GRIN2B: variants seen among roughly 807,000 people sequenced by gnomAD.
The protein encoded by GRIN2B is glutamate receptor ionotropic, NMDA 2B.
GRIN2B carries 5 observed loss-of-function variants against 114.5 expected under a neutral mutation model. That is an observed-to-expected ratio of 0.04 (90% CI 0.02 to 0.09). GRIN2B has a LOEUF of 0.09. GRIN2B is among the 10% of genes least tolerant of loss of function. GRIN2B has a pLI of 1.00. For synonymous variants in GRIN2B, 787 were observed against 745.1 expected, an observed-to-expected ratio of 1.06 and a Z score of -0.92; for missense variants, 1,108 against 1,943.5, an observed-to-expected ratio of 0.57 and a Z score of 8.08.
rs1293229446 is a variant in GRIN2B at position 13,616,592 on chromosome 12, C to T, written c.1191G>A (p.Glu397=). 5.6e-6 allele frequency: 9 copies of T among 1,614,040 alleles called. No homozygotes were observed. The highest frequency in any genetic ancestry group is 7.6e-6 in the Non-Finnish European group (9 of 1,179,892). The change falls in exon 6 of 14, where the codon GAG becomes GAA. Residue 397 remains glutamate, a synonymous_variant. Coordinates refer to ENST00000609686, the MANE Select transcript of GRIN2B (RefSeq NM_000834.5). ...KYYVWPRMCP[E]TEEQEDDHLS... is the part of the protein sequence containing the mutation. ...GATGGTCATCCTCCTGCTCTTCAGT[C>T]TCTGGACACATTCGGGGCCACACAT...
intron 3 of GRIN2B, among the ~76,000 whole-genome samples, chr12:13,772,476 C>T (rs1203325467): frequency 1.3e-5 from 2 of 152,180 alleles, no homozygotes; most frequent in African/African-American, 4.8e-5. Context: ...AGTCGACAAG[C>T]TCCACCCACT....
At chr12:13,918,457 A>G (rs548807763) in intron 2 of GRIN2B, among the ~76,000 whole-genome samples, 7 of 152,334 alleles carry the variant, frequency 4.6e-5, no homozygotes, top group Admixed American at 2.0e-4. Context: ...TCTTAGTTCA[A>G]TTGAATTTGA....
At position 13,547,967 on chromosome 12, in the gene GRIN2B, A is replaced by G. The variant is rs1274912665; in HGVS notation, c.*14816T>C. On this transcript the variant is annotated 3_prime_UTR_variant, in exon 14 of 14. Transcript: ENST00000609686. The stretch of plus-strand genomic sequence containing the variant: ...TATGTATGTATGTGTGTGTATATAT[A>G]TATATATATATATATTTTTTTTTTT... The G allele has an allele frequency of 6.5e-5, 3 of 45,888 alleles. 1 individual carries two copies. Among genetic ancestry groups the G allele is most frequent in the South Asian group, 1.8e-3 (2 of 1,102 alleles). The allele number at this position is 45,888 out of a possible 1,614,324, so 2.8% of individuals were successfully genotyped here.
chr12:13,631,352 CAG>C (rs767166723), intron 5 of GRIN2B, among the ~76,000 whole-genome samples: 2 of 152,106 alleles, frequency 1.3e-5, no homozygotes, highest in Non-Finnish European at 2.9e-5. Context: ...CATAAACTTG[CAG>C]AGACTGATTC....
At chr12:13,682,626 T>C (rs888553652) in intron 4 of GRIN2B, among the ~76,000 whole-genome samples, 1 of 152,206 alleles carries the variant, frequency 6.6e-6, no homozygotes, top group Non-Finnish European at 1.5e-5. Flanking sequence ...TAAAGTATCT[T>C]AAATTCTAAA....
chr12:13,844,966 G>T (rs1865444470), intron 3 of GRIN2B, among the ~76,000 whole-genome samples: 1 of 152,004 alleles, frequency 6.6e-6, no homozygotes, highest in Non-Finnish European at 1.5e-5. Flanking sequence ...AAGACTCCCT[G>T]CTTTTCCAGT....
chr12:13,768,480 G>C (rs1424757393), intron 3 of GRIN2B, among the ~76,000 whole-genome samples: 1 of 152,188 alleles, frequency 6.6e-6, no homozygotes, highest in Non-Finnish European at 1.5e-5. Flanking sequence ...GGGATAGCAG[G>C]GGATGCCTGC....
chr12:13,806,294 C>T (rs576130277), intron 3 of GRIN2B, among the ~76,000 whole-genome samples: 1 of 152,182 alleles, frequency 6.6e-6, no homozygotes, highest in Admixed American at 6.6e-5. Context: ...TCTTGAGGAA[C>T]CTCCAAATTG....
chr12:13,587,262 A>G (rs1200619396), intron 10 of GRIN2B, among the ~76,000 whole-genome samples: 39 of 151,904 alleles, frequency 2.6e-4, no homozygotes, highest in African/African-American at 9.4e-4. Flanking sequence ...TGTCTTTAAC[A>G]ATATACCACT....
At position 13,866,039 on chromosome 12, in the gene GRIN2B, T is replaced by A. The variant is rs1019298480; in HGVS notation, c.170A>T (p.Asp57Val). 32 of 1,613,882 alleles carry A rather than the reference T, an allele frequency of 2.0e-5. No individual in the cohort carries two copies. The highest frequency in any genetic ancestry group is 3.3e-5 in the Admixed American group (2 of 59,992). The stretch of plus-strand genomic sequence containing the variant: ...TACCACGGAGAGATGGTGGAAATCA[T>A]CTTTCTCGTGGGCATCCTTGATGGC... ...EVAIKDAHEK[D>V]DFHHLSVVPR... The change falls in exon 3 of 14, where the codon GAT becomes GTT. Residue 57 changes from aspartate (D) to valine (V), a missense_variant. By Grantham distance (152) the Asp-to-Val change is radical. Around this residue, in one of 19 missense-constraint regions of GRIN2B, gnomAD observed 199 missense variants for 439.6 expected, o/e 0.45. Transcript: ENST00000609686.
intron 2 of GRIN2B, among the ~76,000 whole-genome samples, chr12:13,913,918 ATAAGT>A (rs1240442886): frequency 1.3e-5 from 2 of 152,194 alleles, no homozygotes; most frequent in African/African-American, 4.8e-5. Flanking sequence ...AGAGGATTAA[ATAAGT>A]TAATTTATGA....
intron 2 of GRIN2B, among the ~76,000 whole-genome samples, chr12:13,916,073 G>GA (rs1866714082): frequency 6.6e-6 from 1 of 152,032 alleles, no homozygotes; most frequent in South Asian, 2.1e-4. Context: ...GGGCACCTAA[G>GA]CAAAAACCAG....
intron 4 of GRIN2B, among the ~76,000 whole-genome samples, chr12:13,687,688 C>T (rs1327637644): frequency 1.3e-5 from 2 of 152,228 alleles, no homozygotes; most frequent in Non-Finnish European, 2.9e-5. Flanking sequence ...ACAGCTTTGT[C>T]TTCTCTCTTT....
chr12:13,762,519 C>A (rs113487994), intron 3 of GRIN2B, among the ~76,000 whole-genome samples: 2 of 152,324 alleles, frequency 1.3e-5, no homozygotes, highest in African/African-American at 4.8e-5. Context: ...TTAACATTCC[C>A]ATCTCTTCAA....
intron 4 of GRIN2B, among the ~76,000 whole-genome samples, chr12:13,705,098 C>T (rs1213074815): frequency 1.3e-5 from 2 of 152,008 alleles, no homozygotes; most frequent in Non-Finnish European, 2.9e-5. Flanking sequence ...TAATGATTTG[C>T]TGTGCATACT....
intron 13 of GRIN2B, among the ~76,000 whole-genome samples, 168 bp downstream of exon 13, chr12:13,566,857 G>T (rs995658493): frequency 6.6e-6 from 1 of 152,174 alleles, no homozygotes; most frequent in Admixed American, 6.5e-5. Context: ...ACTTTTCTGA[G>T]CCACTTGCAA....
chr12:13,736,520 C>A (rs1178281412), intron 4 of GRIN2B, among the ~76,000 whole-genome samples: 3 of 152,104 alleles, frequency 2.0e-5, no homozygotes, highest in Non-Finnish European at 4.4e-5. Context: ...TTTCACCCAT[C>A]CTTAACCTCA....
At chr12:13,711,821 G>A (rs1439899281) in intron 4 of GRIN2B, among the ~76,000 whole-genome samples, 2 of 152,112 alleles carry the variant, frequency 1.3e-5, no homozygotes, top group Admixed American at 6.6e-5. Context: ...TCAGTGTGGC[G>A]ATTCCTCAGG....
At chr12:13,768,007 G>A (rs559836602) in intron 3 of GRIN2B, among the ~76,000 whole-genome samples, 1 of 152,268 alleles carries the variant, frequency 6.6e-6, no homozygotes, top group East Asian at 1.9e-4. Context: ...TTCACAGAAA[G>A]GCAAAGTTTC....
Sources: gnomAD v4.1 joint callset for allele counts (sites outside exome capture counted in the v4.1 genomes callset) on GRCh38, gnomAD v4.1.1 for gene constraint, gnomAD v4.1.1 regional missense constraint, MANE v1.5 for transcripts, NCBI Gene and HGNC (gene_info 2026-07-23, HGNC 2026-07-21) for gene names.